Variants in ACAP2 observed in about 807,000 individuals in gnomAD.
The protein encoded by ACAP2 is arf-GAP with coiled-coil, ANK repeat and PH domain-containing protein 2.
Under a neutral mutation model 115.8 loss-of-function variants are expected in ACAP2, and 39 were observed. That is an observed-to-expected ratio of 0.34 (90% confidence interval 0.26 to 0.44). The LOEUF is 0.44. Ranked by LOEUF, ACAP2 falls within the 20% of genes least tolerant of loss-of-function variation. The probability of loss-of-function intolerance (pLI) is 1.00; values close to 1 mark genes in which losing one functional copy is unlikely to be tolerated. For missense variants in ACAP2, 662 were observed against 927.6 expected (o/e 0.71, Z 3.72); for synonymous variants, 289 against 315.8 (o/e 0.92, Z 0.90).
At chr3:195,332,601 A>T (rs1730246480) in intron 8 of ACAP2, among the ~76,000 whole-genome samples, 1 of 152,136 alleles carries the variant, frequency 6.6e-6, no homozygotes, top group African/African-American at 2.4e-5. Context: ...TCCCCACCCA[A>T]AATCTCATCT....
intron 1 of ACAP2, among the ~76,000 whole-genome samples, chr3:195,411,658 T>C (rs1251021557): frequency 6.6e-6 from 1 of 152,228 alleles, no homozygotes; most frequent in Non-Finnish European, 1.5e-5. Flanking sequence ...ATATTCCTAG[T>C]ACAGGCCAAT....
intron 1 of ACAP2, among the ~76,000 whole-genome samples, chr3:195,403,793 C>G (rs540230490): frequency 1.3e-5 from 2 of 152,116 alleles, no homozygotes; most frequent in Non-Finnish European, 2.9e-5. Flanking sequence ...TCCAAAATAT[C>G]TACTAGATAT....
intron 1 of ACAP2, among the ~76,000 whole-genome samples, chr3:195,407,797 G>A (rs1712914634): frequency 6.6e-6 from 1 of 152,040 alleles, no homozygotes; most frequent in Non-Finnish European, 1.5e-5. Flanking sequence ...CTAGCAGGTG[G>A]AAAGAAAGAT....
At chr3:195,347,707 C>A (rs1731273211) in intron 4 of ACAP2, among the ~76,000 whole-genome samples, 1 of 152,130 alleles carries the variant, frequency 6.6e-6, no homozygotes, top group African/African-American at 2.4e-5. Context: ...TTAAACTTGA[C>A]CTCAAGAAAT....
chr3:195,392,158 T>C lies in ACAP2; in HGVS notation c.54-11A>G. ...TCTTCCAAAGCTGCCCTAGAAAAATTAAATATAAAATAAGTTATTTCGTTT... is the reference window on the plus strand; with the variant it reads ...TCTTCCAAAGCTGCCCTAGAAAAATCAAATATAAAATAAGTTATTTCGTTT... On this transcript the variant is annotated splice_polypyrimidine_tract_variant and intron_variant, in intron 1 of 22. Coordinates refer to ENST00000326793, the MANE Select transcript of ACAP2 (RefSeq NM_012287.6). 6 of 1,604,530 alleles carry C rather than the reference T, an allele frequency of 3.7e-6. No individual in the cohort carries two copies. Among genetic ancestry groups the C allele is most frequent in the Non-Finnish European group, 5.1e-6 (6 of 1,173,004 alleles).
chr3:195,308,893 G>A, intron 10 of ACAP2, 56 bp from the exon 11 acceptor site: 2 of 1,470,272 alleles, frequency 1.4e-6, no homozygotes, highest in Non-Finnish European at 1.9e-6. Flanking sequence ...TTCCATTGTT[G>A]TTAGAAATGA....
At chr3:195,326,797 T>C (rs972865707) in intron 9 of ACAP2, 88 bp downstream of exon 9, 2 of 1,138,930 alleles carry the variant, frequency 1.8e-6, no homozygotes, top group South Asian at 1.4e-5. Context: ...CTCAAAAGAT[T>C]TGTTCCAATA....
chr3:195,418,201 A>T (rs1713898832), intron 1 of ACAP2, among the ~76,000 whole-genome samples: 1 of 152,170 alleles, frequency 6.6e-6, no homozygotes, highest in African/African-American at 2.4e-5. Context: ...CAATTTAAAT[A>T]TTCCTTACCT....
chr3:195,379,338 T>C (rs76397111), intron 4 of ACAP2, among the ~76,000 whole-genome samples: 3,046 of 152,216 alleles, frequency 0.02, 48 homozygotes, highest in Non-Finnish European at 0.03. Flanking sequence ...CTAAAAACTT[T>C]TGTGTGTCAA....
At chr3:195,331,950 C>G (rs1199810604) in intron 8 of ACAP2, among the ~76,000 whole-genome samples, 1 of 151,586 alleles carries the variant, frequency 6.6e-6, no homozygotes, top group East Asian at 2.0e-4. Flanking sequence ...CTGGCTAACA[C>G]GGTGAAACCC....
intron 4 of ACAP2, among the ~76,000 whole-genome samples, chr3:195,371,567 T>C (rs921414068): frequency 1.3e-5 from 2 of 152,162 alleles, no homozygotes; most frequent in Non-Finnish European, 2.9e-5. Flanking sequence ...GTCTGACTGC[T>C]CTGGCCAGGA....
intron 4 of ACAP2, among the ~76,000 whole-genome samples, chr3:195,362,279 G>T (rs985728543): frequency 2.0e-5 from 3 of 146,818 alleles, no homozygotes; most frequent in African/African-American, 7.6e-5. Context: ...TTGCGCCACT[G>T]CACTCTAGCC....
intron 4 of ACAP2, among the ~76,000 whole-genome samples, chr3:195,361,509 T>C (rs925105650): frequency 1.3e-5 from 2 of 151,294 alleles, no homozygotes; most frequent in Non-Finnish European, 2.9e-5. Context: ...CCGAAGCCTA[T>C]GTATGGGATA....
intron 8 of ACAP2, among the ~76,000 whole-genome samples, chr3:195,329,079 C>CAAAAAA (rs57471736): frequency 1.1e-5 from 1 of 93,830 alleles, no homozygotes; most frequent in East Asian, 2.3e-4. Flanking sequence ...GACTCCGTCT[C>CAAAAAA]AAAAAAAAAA....
At chr3:195,341,560 T>C (rs573312647) in intron 6 of ACAP2, among the ~76,000 whole-genome samples, 52 of 152,232 alleles carry the variant, frequency 3.4e-4, no homozygotes, top group African/African-American at 1.2e-3. Context: ...TCCTGACTTG[T>C]GATCCACCCG....
intron 10 of ACAP2, among the ~76,000 whole-genome samples, chr3:195,314,200 T>TTG (rs1553848538): frequency 4.9e-5 from 4 of 82,242 alleles, no homozygotes; most frequent in African/African-American, 1.6e-4. Flanking sequence ...AATTTTGTTG[T>TTG]TTTTTTTTTT....
chr3:195,317,784 C>T (rs1192961925), intron 10 of ACAP2, among the ~76,000 whole-genome samples: 4 of 152,070 alleles, frequency 2.6e-5, no homozygotes, highest in Admixed American at 2.0e-4. Context: ...GAAAAAAATC[C>T]TATTTCCTAA....
intron 1 of ACAP2, among the ~76,000 whole-genome samples, chr3:195,413,835 C>T (rs1011709731): frequency 4.0e-5 from 6 of 151,808 alleles, no homozygotes; most frequent in African/African-American, 1.5e-4. Flanking sequence ...ACAAGCCAGG[C>T]GTGATGGTGC....
intron 10 of ACAP2, among the ~76,000 whole-genome samples, chr3:195,314,263 AT>A (rs111680834): frequency 0.014 from 2,001 of 142,000 alleles, 31 homozygotes; most frequent in African/African-American, 0.045. Context: ...GAGAAAGAAG[AT>A]TTTTTTTTTT....
Sources: gnomAD v4.1 joint callset for allele counts (sites outside exome capture counted in the v4.1 genomes callset) on GRCh38, gnomAD v4.1.1 for gene constraint, MANE v1.5 for transcripts, NCBI Gene and HGNC (gene_info 2026-07-23, HGNC 2026-07-21) for gene names.